The following SDK1 variants were observed in gnomAD, a reference collection of about 807,000 sequenced individuals.
The protein encoded by SDK1 is protein sidekick-1.
Under a neutral mutation model 245.5 loss-of-function variants are expected in SDK1, and 157 were observed. That is an observed-to-expected ratio of 0.64 (90% CI 0.56 to 0.73). SDK1 has a LOEUF of 0.73. Among genes scored for constraint, SDK1 ranks in the 30% least tolerant of loss-of-function variants. The pLI is 0.00. For synonymous variants in SDK1, 1,647 were observed against 1,278.5 expected, an observed-to-expected ratio of 1.29 and a Z score of -6.15; for missense variants, 3,583 against 3,002.3, an observed-to-expected ratio of 1.19 and a Z score of -4.52.
intron 4 of SDK1, among the ~76,000 whole-genome samples, chr7:3,661,324 T>C (rs1783348033): frequency 6.6e-6 from 1 of 152,240 alleles, no homozygotes; most frequent in South Asian, 2.1e-4. Context: ...TAGTTAAATG[T>C]AAGAATTTTG....
chr7:3,577,313 T>C (rs1326911034), intron 1 of SDK1, among the ~76,000 whole-genome samples: 1 of 152,010 alleles, frequency 6.6e-6, no homozygotes, highest in Non-Finnish European at 1.5e-5. Context: ...TTTACACCAT[T>C]TTACAGACAA....
intron 5 of SDK1, among the ~76,000 whole-genome samples, chr7:3,851,352 T>G (rs905561297): frequency 6.6e-6 from 1 of 152,168 alleles, no homozygotes; most frequent in African/African-American, 2.4e-5. Context: ...AAACTAATAT[T>G]TAATTTCCTT....
intron 5 of SDK1, among the ~76,000 whole-genome samples, chr7:3,823,073 C>T (rs1188396628): frequency 2.0e-5 from 3 of 152,080 alleles, no homozygotes; most frequent in African/African-American, 7.2e-5. Context: ...CTTTGTGATG[C>T]CATGGAGAAT....
In SDK1 at chr7:3,620,342, G is replaced by C. The variant is rs527886990; in HGVS notation, c.458+1103G>C. ...TTTGAGACGGAGTTTCACTCTTGTT[G>C]CCCAGGCTGGAGTGCAGTGGCGCGA... is the stretch of plus-strand genomic sequence containing the variant. On this transcript the variant is annotated intron_variant, in intron 2 of 44. Coordinates refer to ENST00000404826, the MANE Select transcript of SDK1 (RefSeq NM_152744.4). Among the ~76,000 whole-genome samples the C allele has an allele frequency of 7.9e-5, 12 of 151,004 alleles. No individual in the cohort carries two copies. In the South Asian group the frequency reaches 2.5e-3, roughly 32 times the overall value.
At chr7:3,436,396 C>T (rs1780022087) in intron 1 of SDK1, among the ~76,000 whole-genome samples, 1 of 152,092 alleles carries the variant, frequency 6.6e-6, no homozygotes, top group Non-Finnish European at 1.5e-5. Flanking sequence ...TAATTCAATA[C>T]ATTTTAGATT....
intron 1 of SDK1, among the ~76,000 whole-genome samples, chr7:3,445,172 T>G (rs1387063765): frequency 6.6e-5 from 10 of 152,222 alleles, no homozygotes; most frequent in African/African-American, 2.4e-4. Context: ...ATTAAAATTG[T>G]TCACCTTATT....
chr7:3,654,739 C>G (rs989184589), intron 4 of SDK1, among the ~76,000 whole-genome samples: 1 of 152,234 alleles, frequency 6.6e-6, no homozygotes, highest in East Asian at 1.9e-4. Flanking sequence ...GGATGGGGAT[C>G]GTAGAATTGC....
intron 1 of SDK1, among the ~76,000 whole-genome samples, chr7:3,436,821 A>C (rs1456311904): frequency 6.6e-6 from 1 of 152,188 alleles, no homozygotes; most frequent in Non-Finnish European, 1.5e-5. Flanking sequence ...TAAGAGCCAG[A>C]AGAATGTTAA....
chr7:4,088,892 C>G (rs1461404362), intron 22 of SDK1, among the ~76,000 whole-genome samples: 2 of 152,220 alleles, frequency 1.3e-5, no homozygotes, highest in East Asian at 1.9e-4. Context: ...GCAGAGGACT[C>G]TCGTGGGCAT....
In SDK1 at chr7:4,267,182, TC is replaced by T; in HGVS notation, c.*1800del. 2 of 966,212 alleles carry T rather than the reference TC, an allele frequency of 2.1e-6. No homozygotes were observed. The highest frequency in any genetic ancestry group is 2.5e-6 in the Non-Finnish European group (2 of 812,734). 59.9% of individuals were successfully genotyped at this position (966,212 alleles called of 1,614,324 possible). On this transcript the variant is annotated 3_prime_UTR_variant, in exon 45 of 45. Transcript: ENST00000404826. ...AAGTTTCCTTTTTTCTCTCCTCCCTTCCTTCCCCTCCTTCCTTTCCTTTACC... is the reference window on the plus strand; with the variant it reads ...AAGTTTCCTTTTTTCTCTCCTCCCTTCTTCCCCTCCTTCCTTTCCTTTACC...
chr7:4,071,775 G>C (rs1323879030), intron 20 of SDK1, among the ~76,000 whole-genome samples: 1 of 152,220 alleles, frequency 6.6e-6, no homozygotes, highest in Non-Finnish European at 1.5e-5. Flanking sequence ...ACTGATCCCA[G>C]AAACGGGGCT....
chr7:4,097,267 ACG>A (rs373241620), intron 22 of SDK1, among the ~76,000 whole-genome samples: 140 of 77,598 alleles, frequency 1.8e-3, no homozygotes, highest in African/African-American at 9.7e-3. Flanking sequence ...CAGCTCCTGT[ACG>A]GCCAGGGGCT....
rs552639151 is a variant in SDK1, at chr7:3,680,384, TG to T, written c.713+38280del. ...GGATCTTTGTCGTGGTAGGACAGTC[TG>T]TGTGTTGATTGTAGTGATGGTTGTA... On this transcript the variant is annotated intron_variant, in intron 4 of 44. Coordinates refer to ENST00000404826, the MANE Select transcript of SDK1 (RefSeq NM_152744.4). 1.3e-3 allele frequency among the ~76,000 whole-genome samples: 196 copies of T among 152,276 alleles called. 4 individuals are homozygous for T. Among genetic ancestry groups the T allele is most frequent in the African/African-American group, 4.5e-3 (189 of 41,554 alleles).
intron 1 of SDK1, among the ~76,000 whole-genome samples, chr7:3,502,381 G>A (rs111414136): frequency 6.6e-6 from 1 of 151,930 alleles, no homozygotes; most frequent in African/African-American, 2.4e-5. Context: ...TCCCGAGTAG[G>A]TGGGATTACA....
chr7:4,021,429 C>T (rs891880712), intron 17 of SDK1, among the ~76,000 whole-genome samples: 2 of 152,278 alleles, frequency 1.3e-5, no homozygotes, highest in East Asian at 3.9e-4. Context: ...CTGCTAGAAA[C>T]AGACCCACAG....
At chr7:3,607,151 C>CT (rs555087966) in intron 1 of SDK1, among the ~76,000 whole-genome samples, 3,278 of 145,438 alleles carry the variant, frequency 0.023, 31 homozygotes, top group Non-Finnish European at 0.028. Context: ...AAGGAAGGCC[C>CT]TTTTTTTTTT....
intron 4 of SDK1, among the ~76,000 whole-genome samples, chr7:3,719,215 A>G (rs1785290821): frequency 6.6e-6 from 1 of 151,378 alleles, no homozygotes; most frequent in Admixed American, 6.6e-5. Flanking sequence ...AAAATCAGAG[A>G]GACTTTGGGG....
intron 2 of SDK1, among the ~76,000 whole-genome samples, chr7:3,625,542 A>C (rs1417545903): frequency 6.6e-6 from 1 of 152,202 alleles, no homozygotes; most frequent in African/African-American, 2.4e-5. Context: ...GCACCAGTGC[A>C]GGGATCCCTT....
In SDK1 at chr7:3,907,655, T is replaced by C. The variant is rs555136496; in HGVS notation, c.848-43268T>C. The stretch of plus-strand genomic sequence containing the variant: ...CTAAGAGTGCGATTACTGAATCTTA[T>C]AGCAACTTTGCGTTTTTAAAACAGA... On this transcript the variant is annotated intron_variant, in intron 5 of 44. Coordinates refer to ENST00000404826, the MANE Select transcript of SDK1 (RefSeq NM_152744.4). Among the ~76,000 whole-genome samples, 45 of 152,390 alleles carry C rather than the reference T, an allele frequency of 3.0e-4. No individual in the cohort carries two copies. In the South Asian group the frequency reaches 3.5e-3, roughly 12 times the overall value.
Sources: allele counts gnomAD v4.1 joint callset (sites outside exome capture counted in the v4.1 genomes callset), GRCh38; gene constraint gnomAD v4.1.1; transcripts MANE v1.5; gene names NCBI Gene and HGNC (gene_info 2026-07-23, HGNC 2026-07-21).